SNX4: variants seen among roughly 807,000 people sequenced by gnomAD.
The protein encoded by SNX4 is sorting nexin-4.
A neutral mutation model predicts 70.8 loss-of-function variants in SNX4; 49 were observed. The ratio of observed to expected loss-of-function variants is 0.69; its 90% CI spans 0.55 to 0.88. SNX4 has a LOEUF of 0.88. Among genes scored for constraint, SNX4 ranks in the 40% least tolerant of loss-of-function variants. The pLI, the probability that SNX4 is intolerant of heterozygous loss-of-function variation, is 0.00. For synonymous variants in SNX4, 206 were observed against 183.8 expected (o/e 1.12, Z -0.98); for missense variants, 528 against 544.8 (o/e 0.97, Z 0.31).
At chr3:125,470,822 C>G (rs375980790) in intron 8 of SNX4, among the ~76,000 whole-genome samples, 2 of 152,024 alleles carry the variant, frequency 1.3e-5, no homozygotes, top group Admixed American at 6.6e-5. Context: ...TATTTCTGTA[C>G]GAGACTTTGT....
intron 13 of SNX4, chr3:125,448,932 C>T (rs1933500718): frequency 6.6e-6 from 1 of 151,930 alleles, no homozygotes; most frequent in Non-Finnish European, 1.5e-5. Context: ...CTGCCTTGGC[C>T]TCCCAAAATG....
intron 8 of SNX4, among the ~76,000 whole-genome samples, chr3:125,475,280 A>G (rs1934266428): frequency 1.3e-5 from 2 of 152,252 alleles, no homozygotes; most frequent in South Asian, 4.1e-4. Flanking sequence ...CAAATAAATT[A>G]TAGCTGAATC....
At chr3:125,449,575 G>A (rs561977035) in intron 13 of SNX4, among the ~76,000 whole-genome samples, 6 of 152,138 alleles carry the variant, frequency 3.9e-5, no homozygotes, top group African/African-American at 1.4e-4. Context: ...AAAACAAAAC[G>A]ACAAAATTGC....
At chr3:125,460,719 GGA>G in intron 10 of SNX4, 50 bp downstream of exon 10, 1 of 806,348 alleles carries the variant, frequency 1.2e-6, no homozygotes, top group South Asian at 1.8e-5. Context: ...TGGCATATGA[GGA>G]GAGTGGTGAA....
rs1273317816 is a variant in SNX4, at chr3:125,520,107, G to A, written c.66C>T (p.Ser22=). ...LQPAPLEPLG[S]PDAGLGAAVG... is the part of the protein sequence containing the mutation. ...CCGCAGCCCCCAGCCCAGCGTCTGG[G>A]GAGCCCAGCGGCTCCAAGGGCGCCG... The change falls in exon 1 of 14, where the codon TCC becomes TCT. Residue 22 remains serine (S), a synonymous_variant. Coordinates refer to ENST00000251775, the MANE Select transcript of SNX4 (RefSeq NM_003794.4). 4.7e-6 allele frequency: 7 copies of A among 1,501,210 alleles called. No individual in the cohort carries two copies. The South Asian group carries it at 6.4e-5, about 14-fold the overall frequency. The allele number at this position is 1,501,210 out of a possible 1,614,324, so 93.0% of individuals were successfully genotyped here. A position where few individuals can be genotyped will look rare whatever the true frequency, so the allele number is the denominator to read the frequency against.
intron 2 of SNX4, among the ~76,000 whole-genome samples, chr3:125,503,668 T>G (rs1934979762): frequency 6.6e-6 from 1 of 152,196 alleles, no homozygotes; most frequent in Non-Finnish European, 1.5e-5. Flanking sequence ...CATTTCCACC[T>G]GCCCAAGTTC....
intron 2 of SNX4, among the ~76,000 whole-genome samples, chr3:125,502,853 CAAAA>C (rs376503388): frequency 1.2e-5 from 1 of 86,662 alleles, no homozygotes. Flanking sequence ...GACTCCATCT[CAAAA>C]AAAAAAAAAA....
At chr3:125,478,189 C>T (rs555225264) in intron 7 of SNX4, among the ~76,000 whole-genome samples, 12 of 152,032 alleles carry the variant, frequency 7.9e-5, no homozygotes, top group African/African-American at 2.9e-4. Context: ...AAGCGATTAT[C>T]CCACCTCAGC....
At chr3:125,511,103 G>A (rs939897521) in intron 1 of SNX4, among the ~76,000 whole-genome samples, 15 of 152,162 alleles carry the variant, frequency 9.9e-5, no homozygotes, top group South Asian at 2.1e-4. Flanking sequence ...TAGTTGAGAC[G>A]GAGTTTCTCC....
intron 1 of SNX4, among the ~76,000 whole-genome samples, chr3:125,506,071 T>G (rs536681208): frequency 4.6e-5 from 7 of 152,182 alleles, no homozygotes; most frequent in Admixed American, 3.3e-4. Flanking sequence ...GGCTGATCTT[T>G]GGCATGGAGA....
chr3:125,466,706 C>T (rs370930555), intron 9 of SNX4, among the ~76,000 whole-genome samples: 21 of 152,152 alleles, frequency 1.4e-4, no homozygotes, highest in South Asian at 6.2e-4. Context: ...GCAGGAGAAT[C>T]GCTTGAACTG....
At chr3:125,462,461 A>AT (rs985699525) in intron 9 of SNX4, among the ~76,000 whole-genome samples, 24 of 151,946 alleles carry the variant, frequency 1.6e-4, no homozygotes, top group African/African-American at 5.6e-4. Flanking sequence ...ATGGTAGTGC[A>AT]TGCCTATAGT....
At chr3:125,453,558 A>C (rs1933631818) in intron 12 of SNX4, among the ~76,000 whole-genome samples, 1 of 151,604 alleles carries the variant, frequency 6.6e-6, no homozygotes, top group Non-Finnish European at 1.5e-5. Flanking sequence ...TACGTTGCCC[A>C]GGCTGGTCTC....
At chr3:125,496,544 T>A (rs1934799070) in intron 5 of SNX4, among the ~76,000 whole-genome samples, 1 of 152,114 alleles carries the variant, frequency 6.6e-6, no homozygotes. Context: ...ACAATTTATA[T>A]TATGTTATAT....
At chr3:125,494,639 G>C (rs945229803) in intron 5 of SNX4, among the ~76,000 whole-genome samples, 6 of 152,128 alleles carry the variant, frequency 3.9e-5, no homozygotes, top group African/African-American at 1.4e-4. Context: ...TATAGCAACA[G>C]TTGTCAAGTT....
intron 1 of SNX4, among the ~76,000 whole-genome samples, chr3:125,509,314 G>C (rs573917969): frequency 1.2e-3 from 157 of 132,350 alleles, no homozygotes; most frequent in Non-Finnish European, 2.2e-3. Context: ...TGGGCAACAA[G>C]AGCGAAACTC....
In SNX4 at chr3:125,494,428, C is replaced by T. The variant is rs544830722; in HGVS notation, c.597+2913G>A. On this transcript the variant is annotated intron_variant, in intron 5 of 13. Transcript: ENST00000251775. ...CTAAAAAATGGGAATATTAACTCAC[C>T]TCAAAGGTACTGAGGCAATATTGAG... is the stretch of plus-strand genomic sequence containing the variant. Among the ~76,000 whole-genome samples, 24 of 152,154 alleles carry T rather than the reference C, an allele frequency of 1.6e-4. No homozygotes were observed. The East Asian group carries it at 4.4e-3, about 28-fold the overall frequency.
At chr3:125,516,039 TG>T (rs1935272217) in intron 1 of SNX4, among the ~76,000 whole-genome samples, 1 of 152,224 alleles carries the variant, frequency 6.6e-6, no homozygotes, top group South Asian at 2.1e-4. Context: ...TTTAGTTCTC[TG>T]CTGCCAATCA....
chr3:125,458,291 GCCT>G (rs1933777865), intron 10 of SNX4, among the ~76,000 whole-genome samples: 1 of 150,766 alleles, frequency 6.6e-6, no homozygotes, highest in Non-Finnish European at 1.5e-5. Context: ...TCCCACCTCA[GCCT>G]CCTAAGTAGC....
Sources: allele counts gnomAD v4.1 joint callset (sites outside exome capture counted in the v4.1 genomes callset), GRCh38; gene constraint gnomAD v4.1.1; transcripts MANE v1.5; gene names NCBI Gene and HGNC (gene_info 2026-07-23, HGNC 2026-07-21).